Variants in DTX1 observed in about 807,000 individuals in gnomAD.
DTX1 encodes E3 ubiquitin-protein ligase DTX1.
A neutral mutation model predicts 57.8 loss-of-function variants in DTX1; 26 were observed. The observed-to-expected ratio is 0.45, with a 90% confidence interval of 0.33 to 0.62. The LOEUF is 0.62. Ranked by LOEUF, DTX1 falls within the 20% of genes least tolerant of loss-of-function variation. The probability of loss-of-function intolerance (pLI) is 0.02; values close to 1 mark genes in which losing one functional copy is unlikely to be tolerated. For missense variants in DTX1, 704 were observed against 895.3 expected (o/e 0.79, Z 2.73); for synonymous variants, 398 against 394.1 (o/e 1.01, Z -0.12).
chr12:113,061,081 T>C (rs2044660467), intron 2 of DTX1, among the ~76,000 whole-genome samples: 1 of 152,146 alleles, frequency 6.6e-6, no homozygotes, highest in African/African-American at 2.4e-5. Flanking sequence ...TCAGGCCCCA[T>C]TCTCTCAATA....
In DTX1 at chr12:113,097,355, A is replaced by C. The variant is rs76690357; in HGVS notation, c.*416A>C. On this transcript the variant is annotated 3_prime_UTR_variant, in exon 10 of 10. Transcript: ENST00000548759. ...GTTGCATCTGTACAGCCTTGTCTGC[A>C]AACTGGAGGATGCGGGGCAAGCCCT... The C allele has an allele frequency of 7.5e-5, 12 of 160,628 alleles. 1 individual carries two copies. In the East Asian group the frequency reaches 2.2e-3, roughly 30 times the overall value. The allele number at this position is 160,628 out of a possible 1,614,324, so 10.0% of individuals were successfully genotyped here.
chr12:113,063,676 C>A (rs1029172958), intron 2 of DTX1, among the ~76,000 whole-genome samples: 4 of 152,228 alleles, frequency 2.6e-5, no homozygotes, highest in African/African-American at 7.2e-5. Flanking sequence ...GGCCAACAGG[C>A]TGGAGTGGCA....
chr12:113,059,457 G>A (rs2044652058), intron 2 of DTX1, among the ~76,000 whole-genome samples: 1 of 152,148 alleles, frequency 6.6e-6, no homozygotes, highest in Non-Finnish European at 1.5e-5. Context: ...TGGTTGCGTT[G>A]GTGGTAATGT....
At position 113,078,120 on chromosome 12, in the gene DTX1, A is replaced by AG; in HGVS notation, c.941+20dup. On this transcript the variant is annotated intron_variant, in intron 3 of 9. Transcript: ENST00000548759. ...ATCCCGCCGGGGTAAGACGGGGCCC[A>AG]GGGGGAGGGGGCCTCTGCGTCGTCC... The AG allele has an allele frequency of 2.4e-6, 2 of 825,860 alleles. No individual in the cohort carries two copies. Among genetic ancestry groups the AG allele is most frequent in the South Asian group, 2.2e-5 (1 of 45,846 alleles). 51.2% of individuals were successfully genotyped at this position (825,860 alleles called of 1,614,324 possible).
At chr12:113,067,472 C>G (rs978168125) in intron 2 of DTX1, among the ~76,000 whole-genome samples, 1 of 152,230 alleles carries the variant, frequency 6.6e-6, no homozygotes, top group Admixed American at 6.5e-5. Context: ...GCTTACCCAT[C>G]TACACAAAGG....
chr12:113,066,231 A>G (rs528711250), intron 2 of DTX1, among the ~76,000 whole-genome samples: 1 of 152,194 alleles, frequency 6.6e-6, no homozygotes, highest in South Asian at 2.1e-4. Context: ...GCTTACTAAG[A>G]ATCATGGGGT....
In DTX1 at chr12:113,097,103, A is replaced by T; in HGVS notation, c.*164A>T. On this transcript the variant is annotated 3_prime_UTR_variant, in exon 10 of 10. Coordinates refer to ENST00000548759, the MANE Select transcript of DTX1 (RefSeq NM_004416.3). ...CTGGTGGCAGCTGGGATGAAGAGAG[A>T]TGGCATGTCAGGCTGGCCCCGAATC... is the stretch of plus-strand genomic sequence containing the variant. 1 of 741,882 alleles carries T rather than the reference A, an allele frequency of 1.3e-6. No homozygotes were observed. The allele number at this position is 741,882 out of a possible 1,614,324, so 46.0% of individuals were successfully genotyped here.
chr12:113,088,633 G>C (rs576231926), intron 3 of DTX1, among the ~76,000 whole-genome samples: 1 of 152,316 alleles, frequency 6.6e-6, no homozygotes, highest in Non-Finnish European at 1.5e-5. Flanking sequence ...ATAATGTCAG[G>C]TCGTGATTAG....
rs2044627921 is a variant in DTX1 at position 113,056,947 on chromosome 12, G to A, written c.-745+3G>A. The stretch of plus-strand genomic sequence containing the variant: ...GGAGCCGGAGACGAAGAGAGGCGGT[G>A]AGAACGCGGGTGCTTAGGGACCCCA... On this transcript the variant is annotated splice_donor_region_variant and intron_variant, in intron 1 of 9. Coordinates refer to ENST00000548759, the MANE Select transcript of DTX1 (RefSeq NM_004416.3). 1 of 152,640 alleles carries A rather than the reference G, an allele frequency of 6.6e-6. No homozygotes were observed. The highest frequency in any genetic ancestry group is 2.1e-4 in the South Asian group (1 of 4,832). The allele number at this position is 152,640 out of a possible 1,614,324, so 9.5% of individuals were successfully genotyped here.
At chr12:113,081,129 G>A (rs1224632955) in intron 3 of DTX1, among the ~76,000 whole-genome samples, 2 of 152,176 alleles carry the variant, frequency 1.3e-5, no homozygotes, top group Non-Finnish European at 2.9e-5. Flanking sequence ...GATCACTTGA[G>A]GCCAGGAGTT....
At chr12:113,079,344 C>G (rs1386996122) in intron 3 of DTX1, among the ~76,000 whole-genome samples, 1 of 152,176 alleles carries the variant, frequency 6.6e-6, no homozygotes, top group East Asian at 1.9e-4. Context: ...CACCAAAGCT[C>G]AGATCTGGAT....
chr12:113,096,706 TC>T lies in DTX1; in HGVS notation c.1639-3del. The T allele has an allele frequency of 6.2e-7, 1 of 1,607,206 alleles. No individual in the cohort carries two copies. On this transcript the variant is annotated splice_polypyrimidine_tract_variant and splice_region_variant and intron_variant, in intron 9 of 9. Coordinates refer to ENST00000548759, the MANE Select transcript of DTX1 (RefSeq NM_004416.3). ...TCCTCCCGGCCCCACTGTGTCCCTG[TC>T]CCCCCAGGTGCTGCGGCTGCTCATC...
At chr12:113,094,144 G>A in intron 6 of DTX1, 45 bp downstream of exon 6, 5 of 1,519,256 alleles carry the variant, frequency 3.3e-6, no homozygotes, top group East Asian at 2.4e-5. Context: ...TGGCATGGAG[G>A]GGGCAGGAAC....
At chr12:113,069,162 T>G (rs1042404938) in intron 2 of DTX1, among the ~76,000 whole-genome samples, 2 of 152,174 alleles carry the variant, frequency 1.3e-5, no homozygotes, top group Admixed American at 6.5e-5. Flanking sequence ...TTTATTATTA[T>G]TACAATTATG....
At chr12:113,095,004 G>A (rs866122804) in intron 7 of DTX1, 38 bp from the exon 8 acceptor site, 2 of 1,604,640 alleles carry the variant, frequency 1.2e-6, no homozygotes, top group African/African-American at 1.3e-5. Flanking sequence ...GGGGTTTGGG[G>A]GGGTGCTGGG....
In DTX1 at chr12:113,093,418, G is replaced by A. The variant is rs1189899671; in HGVS notation, c.1004-121G>A. On this transcript the variant is annotated intron_variant, in intron 4 of 9. Coordinates refer to ENST00000548759, the MANE Select transcript of DTX1 (RefSeq NM_004416.3). The surrounding 1 kb of genome is among the most constrained non-coding windows in gnomAD (Gnocchi z 4.2). ...TCAGGGGCCTTCAAGGGGCTGAGTG[G>A]GTGGGGCCCAAGAGCGCAACCCTCC... is the stretch of plus-strand genomic sequence containing the variant. 1.2e-5 allele frequency: 16 copies of A among 1,377,550 alleles called. No individual in the cohort carries two copies. Among genetic ancestry groups the A allele is most frequent in the Non-Finnish European group, 9.6e-6 (10 of 1,041,406 alleles). The allele number at this position is 1,377,550 out of a possible 1,614,324, so 85.3% of individuals were successfully genotyped here. A position where few individuals can be genotyped will look rare whatever the true frequency, so the allele number is the denominator to read the frequency against.
chr12:113,091,221 G>A (rs150707859), intron 3 of DTX1, among the ~76,000 whole-genome samples: 17 of 151,366 alleles, frequency 1.1e-4, no homozygotes, highest in African/African-American at 3.9e-4. Flanking sequence ...GTGTATGTGT[G>A]TGTCCCCGTG....
At chr12:113,070,436 C>T (rs1053949998) in intron 2 of DTX1, among the ~76,000 whole-genome samples, 9 of 152,218 alleles carry the variant, frequency 5.9e-5, no homozygotes, top group Admixed American at 2.0e-4. Flanking sequence ...CACTTCCCTC[C>T]GGGAAGCCAC....
At chr12:113,082,219 C>G (rs960738635) in intron 3 of DTX1, among the ~76,000 whole-genome samples, 1 of 152,116 alleles carries the variant, frequency 6.6e-6, no homozygotes, top group Non-Finnish European at 1.5e-5. Context: ...CATCCCTCCC[C>G]ACCCACGCAG....
Sources: gnomAD v4.1 joint callset for allele counts (sites outside exome capture counted in the v4.1 genomes callset) on GRCh38, gnomAD v4.1.1 for gene constraint, Gnocchi (gnomAD v3.1) non-coding constraint, MANE v1.5 for transcripts, NCBI Gene and HGNC (gene_info 2026-07-23, HGNC 2026-07-21) for gene names.